AS3MT: variants seen among roughly 807,000 people sequenced by gnomAD.
AS3MT encodes S-adenosyl-L-methionine:arsenic(III) methyltransferase.
A neutral mutation model predicts 45.3 loss-of-function variants in AS3MT; 47 were observed. The observed-to-expected ratio is 1.04, with a 90% confidence interval of 0.82 to 1.32. The LOEUF is 1.32. Ranked by LOEUF, AS3MT falls within the 40% of genes most tolerant of loss-of-function variation. The probability of loss-of-function intolerance (pLI) is 0.00; values close to 1 mark genes in which losing one functional copy is unlikely to be tolerated. For synonymous variants in AS3MT, 141 were observed against 152.8 expected (o/e 0.92, Z 0.57); for missense variants, 396 against 451.1 (o/e 0.88, Z 1.11).
intron 10 of AS3MT, among the ~76,000 whole-genome samples, chr10:102,897,530 C>A (rs1357721196): frequency 6.6e-6 from 1 of 150,912 alleles, no homozygotes; most frequent in Non-Finnish European, 1.5e-5. Flanking sequence ...AGTGCAGTGG[C>A]ACGATCTTGG....
At chr10:102,883,040 C>T (rs1844889302) in intron 9 of AS3MT, among the ~76,000 whole-genome samples, 1 of 151,232 alleles carries the variant, frequency 6.6e-6, no homozygotes, top group African/African-American at 2.4e-5. Context: ...GTTCTAGTGG[C>T]TTTCAAAAAC....
At position 102,896,808 on chromosome 10, in the gene AS3MT, C is replaced by CA. The variant is rs71019628; in HGVS notation, c.1021-3770dup. Among the ~76,000 whole-genome samples, 747 of 120,630 alleles carry CA rather than the reference C, an allele frequency of 6.2e-3. 7 individuals are homozygous for CA. The highest frequency in any genetic ancestry group is 0.015 in the African/African-American group (472 of 31,866). The allele number at this position is 120,630 out of a possible 152,430, so 79.1% of individuals were successfully genotyped here. On this transcript the variant is annotated intron_variant, in intron 10 of 10. Transcript: ENST00000369880. Reference sequence around the variant, plus strand: ...GGGGTGACAGAGTGAGACTCCATCTCAAAAAAAAAAAAAAAGAGTGATTTA... The same window carrying CA: ...GGGGTGACAGAGTGAGACTCCATCTCAAAAAAAAAAAAAAAAGAGTGATTTA...
Position 102,877,021 on chromosome 10 carries a change from A to C in AS3MT, c.596A>C (p.His199Pro), listed in dbSNP as rs1844793949. ...SLELPEEIRT[H>P]KVLWGECLGG... ...GAACTGCCAGAAGAAATCAGGACACACAAAGTTTTATGGGGTAGGTGATTT... is the reference window on the plus strand; with the variant it reads ...GAACTGCCAGAAGAAATCAGGACACCCAAAGTTTTATGGGGTAGGTGATTT... Residue 199 changes from histidine to proline, a missense_variant, in exon 7 of 11, where the codon CAC (histidine) becomes CCC (proline). His to Pro is a moderately conservative substitution (Grantham distance 77). Coordinates refer to ENST00000369880, the MANE Select transcript of AS3MT (RefSeq NM_020682.4). The C allele has an allele frequency of 6.2e-7, 1 of 1,614,008 alleles. No homozygotes were observed. Among genetic ancestry groups the C allele is most frequent in the Non-Finnish European group, 8.5e-7 (1 of 1,179,972 alleles).
At chr10:102,871,707 G>T (rs897207540) in intron 3 of AS3MT, among the ~76,000 whole-genome samples, 4 of 149,778 alleles carry the variant, frequency 2.7e-5, no homozygotes, top group Middle Eastern at 3.2e-3. Context: ...CAGCCTGGGC[G>T]ACAGAGCGAG....
chr10:102,879,926 A>G (rs1844847989), intron 9 of AS3MT, among the ~76,000 whole-genome samples: 2 of 151,932 alleles, frequency 1.3e-5, no homozygotes, highest in Non-Finnish European at 1.5e-5. Context: ...TTGCTGAGCC[A>G]TTGAAAATAA....
rs375105656 is a variant in AS3MT, at chr10:102,874,667, G to A, written c.528+6G>A. The A allele has an allele frequency of 2.5e-6, 4 of 1,597,160 alleles. No individual in the cohort carries two copies. The African/African-American group carries it at 4.0e-5, about 16-fold the overall frequency. On this transcript the variant is annotated splice_donor_region_variant and intron_variant, in intron 6 of 10. Coordinates refer to ENST00000369880, the MANE Select transcript of AS3MT (RefSeq NM_020682.4). ...AGGCATATCGGGTGCTGAAGGTGAG[G>A]AGGAGAGTGAGATAAATTATCTTTG...
At chr10:102,895,964 C>T (rs1412680955) in intron 10 of AS3MT, among the ~76,000 whole-genome samples, 2 of 151,880 alleles carry the variant, frequency 1.3e-5, no homozygotes, top group Admixed American at 6.5e-5. Flanking sequence ...TTAGTAGAGA[C>T]GGGGTTTTAC....
rs559139049 is a variant in AS3MT at position 102,889,614 on chromosome 10, G to GCCTGCCTGCCTGCCTT, written c.886-927_886-926insGCCTGCCTGCCTTCCT. 2.4e-3 allele frequency among the ~76,000 whole-genome samples: 269 copies of GCCTGCCTGCCTGCCTT among 114,030 alleles called. 1 individual carries two copies. Among genetic ancestry groups the GCCTGCCTGCCTGCCTT allele is most frequent in the Middle Eastern group, 4.1e-3 (1 of 246 alleles). 74.8% of individuals were successfully genotyped at this position (114,030 alleles called of 152,430 possible). On this transcript the variant is annotated intron_variant, in intron 9 of 10. Coordinates refer to ENST00000369880, the MANE Select transcript of AS3MT (RefSeq NM_020682.4). ...CTTCCCTTCCCCTGCCTGTCTGCCT[G>GCCTGCCTGCCTGCCTT]CCTTCCTTCCTTCCTTCCTTCCTTC...
intron 5 of AS3MT, 47 bp downstream of exon 5, chr10:102,873,280 T>TATA: frequency 7.7e-7 from 1 of 1,290,902 alleles, no homozygotes; most frequent in Non-Finnish European, 1.0e-6. Flanking sequence ...TTTTCTTTAT[T>TATA]ATTATTATTA....
At chr10:102,897,865 C>T (rs1046267269) in intron 10 of AS3MT, among the ~76,000 whole-genome samples, 35 of 152,176 alleles carry the variant, frequency 2.3e-4, no homozygotes, top group African/African-American at 8.4e-4. Context: ...TCCCAGTGTG[C>T]GTGCAACACA....
intron 10 of AS3MT, among the ~76,000 whole-genome samples, chr10:102,891,038 C>T (rs1342575378): frequency 6.6e-6 from 1 of 152,130 alleles, no homozygotes; most frequent in East Asian, 1.9e-4. Context: ...TTGAGGCGCA[C>T]TTCTCTTGCT....
intron 10 of AS3MT, among the ~76,000 whole-genome samples, chr10:102,891,034 C>T (rs1028763073): frequency 5.3e-5 from 8 of 152,052 alleles, no homozygotes; most frequent in African/African-American, 1.9e-4. Flanking sequence ...TCTCTTGAGG[C>T]GCACTTCTCT....
intron 10 of AS3MT, among the ~76,000 whole-genome samples, chr10:102,892,547 T>C (rs1332338707): frequency 6.6e-6 from 1 of 152,108 alleles, no homozygotes; most frequent in Non-Finnish European, 1.5e-5. Context: ...ATCCCAATCA[T>C]AAAGAATTTC....
In AS3MT at chr10:102,881,824, C is replaced by T. The variant is rs1348365494; in HGVS notation, c.885+2833C>T. ...AGTCATAGCTCACTGTAACCTCAAA[C>T]TCCTGGGCTCAAGCGATTCTCCCAT... On this transcript the variant is annotated intron_variant, in intron 9 of 10. Coordinates refer to ENST00000369880, the MANE Select transcript of AS3MT (RefSeq NM_020682.4). This position sits in a 1 kb window ranked among gnomAD's most constrained non-coding sequence, Gnocchi z 4.2. Among the ~76,000 whole-genome samples, 2 of 152,196 alleles carry T rather than the reference C, an allele frequency of 1.3e-5. No individual in the cohort carries two copies. The highest frequency in any genetic ancestry group is 2.9e-5 in the Non-Finnish European group (2 of 68,042).
At position 102,881,386 on chromosome 10, in the gene AS3MT, A is replaced by G. The variant is rs1336916614; in HGVS notation, c.885+2395A>G. Among the ~76,000 whole-genome samples, 3 of 152,228 alleles carry G rather than the reference A, an allele frequency of 2.0e-5. No individual in the cohort carries two copies. Among genetic ancestry groups the G allele is most frequent in the Non-Finnish European group, 4.4e-5 (3 of 68,040 alleles). On this transcript the variant is annotated intron_variant, in intron 9 of 10. Coordinates refer to ENST00000369880, the MANE Select transcript of AS3MT (RefSeq NM_020682.4). This position sits in a 1 kb window ranked among gnomAD's most constrained non-coding sequence, Gnocchi z 4.2. ...CAAAATTATGCTAAATCTCTCTGGTAATTAACTAAATAAAAATCATTTTAT... is the reference window on the plus strand; with the variant it reads ...CAAAATTATGCTAAATCTCTCTGGTGATTAACTAAATAAAAATCATTTTAT...
rs1246780346 is a variant in AS3MT, at chr10:102,878,835, A to C, written c.743-14A>C. On this transcript the variant is annotated splice_polypyrimidine_tract_variant and intron_variant, in intron 8 of 10. Coordinates refer to ENST00000369880, the MANE Select transcript of AS3MT (RefSeq NM_020682.4). ...GAGTGCTGGAGATGAACCGTGAATA[A>C]ATTCTATTTTTAGGTGACTGTCGTT... 1.9e-6 allele frequency: 3 copies of C among 1,610,018 alleles called. No individual in the cohort carries two copies. In the Admixed American group the frequency reaches 5.1e-5, roughly 27 times the overall value.
At position 102,888,866 on chromosome 10, in the gene AS3MT, TATA is replaced by T. The variant is rs1564794440; in HGVS notation, c.886-1677_886-1675del. 1.1e-3 allele frequency among the ~76,000 whole-genome samples: 97 copies of T among 90,200 alleles called. 1 individual carries two copies. The highest frequency in any genetic ancestry group is 3.9e-3 in the South Asian group (10 of 2,536). The allele number at this position is 90,200 out of a possible 152,430, so 59.2% of individuals were successfully genotyped here. The stretch of plus-strand genomic sequence containing the variant: ...TCATCAAACCCTATATATATATATA[TATA>T]TATATATATATATTTTTTTTTTTTT... On this transcript the variant is annotated intron_variant, in intron 9 of 10. Transcript: ENST00000369880.
Position 102,878,363 on chromosome 10 carries a change from GTTGT to G in AS3MT, c.611-9_611-6del. 2 of 1,609,152 alleles carry G rather than the reference GTTGT, an allele frequency of 1.2e-6. No homozygotes were observed. The highest frequency in any genetic ancestry group is 8.5e-7 in the Non-Finnish European group (1 of 1,178,824). Reference sequence around the variant, plus strand: ...GTTGGCTGGTCTGTGGTTTTTTGTTGTTGTTTGTTTTTTAGGTGAGTGTCTGGGT... The same window carrying G: ...GTTGGCTGGTCTGTGGTTTTTTGTTGTTGTTTTTTAGGTGAGTGTCTGGGT... On this transcript the variant is annotated splice_polypyrimidine_tract_variant and intron_variant, in intron 7 of 10. Coordinates refer to ENST00000369880, the MANE Select transcript of AS3MT (RefSeq NM_020682.4).
chr10:102,890,454 G>A (rs754769092), intron 9 of AS3MT, 90 bp from the exon 10 acceptor site: 15 of 1,032,326 alleles, frequency 1.5e-5, no homozygotes, highest in East Asian at 2.5e-5. Context: ...TGCTGGTGAG[G>A]ATGTGGAGAA....
Sources: allele counts gnomAD v4.1 joint callset (sites outside exome capture counted in the v4.1 genomes callset), GRCh38; gene constraint gnomAD v4.1.1; non-coding constraint Gnocchi (gnomAD v3.1); transcripts MANE v1.5; gene names NCBI Gene and HGNC (gene_info 2026-07-23, HGNC 2026-07-21).